PDZRN3: variants seen among roughly 807,000 people sequenced by gnomAD.
PDZRN3 encodes the protein E3 ubiquitin-protein ligase PDZRN3.
In PDZRN3, 38 loss-of-function variants were observed where a neutral mutation model predicts 85.7. That is an observed-to-expected ratio of 0.44 (90% CI 0.34 to 0.58). The LOEUF is 0.58. PDZRN3 is among the 20% of genes least tolerant of loss of function. PDZRN3 has a pLI of 0.01. For missense variants in PDZRN3, 1,629 were observed against 1,506.4 expected (o/e 1.08, Z -1.35); for synonymous variants, 759 against 638.0 (o/e 1.19, Z -2.86).
chr3:73,610,989 G>A (rs1442538744), intron 1 of PDZRN3, among the ~76,000 whole-genome samples: 1 of 152,144 alleles, frequency 6.6e-6, no homozygotes. Context: ...ATATAGGTGG[G>A]AAGACTGAGG....
intron 3 of PDZRN3, among the ~76,000 whole-genome samples, chr3:73,553,962 G>A (rs1202002622): frequency 1.3e-5 from 2 of 152,210 alleles, no homozygotes; most frequent in African/African-American, 4.8e-5. Context: ...AAAGAATGGG[G>A]CTGGAAGGAA....
chr3:73,567,636 T>C (rs888397586), intron 3 of PDZRN3, among the ~76,000 whole-genome samples: 7 of 152,198 alleles, frequency 4.6e-5, no homozygotes, highest in African/African-American at 1.2e-4. Flanking sequence ...TCTACACATA[T>C]TGAAGTCTAA....
At chr3:73,447,224 C>T (rs1476762031) in intron 3 of PDZRN3, among the ~76,000 whole-genome samples, 2 of 151,892 alleles carry the variant, frequency 1.3e-5, no homozygotes, top group Non-Finnish European at 2.9e-5. Context: ...CCTTGCTCTG[C>T]CCTCCCTTCA....
At chr3:73,600,335 ACACT>A (rs1283593407) in intron 3 of PDZRN3, among the ~76,000 whole-genome samples, 3 of 46,908 alleles carry the variant, frequency 6.4e-5, no homozygotes, top group South Asian at 8.5e-4. Flanking sequence ...ACACACACAC[ACACT>A]CTCTCTCTCT....
chr3:73,489,230 T>TAGC (rs1388565100), intron 3 of PDZRN3, among the ~76,000 whole-genome samples: 9 of 152,202 alleles, frequency 5.9e-5, no homozygotes, highest in Non-Finnish European at 8.8e-5. Context: ...AAATAGCAAA[T>TAGC]AGCAGGACAG....
intron 3 of PDZRN3, among the ~76,000 whole-genome samples, chr3:73,463,983 T>TTTTA (rs1005496776): frequency 1.3e-5 from 2 of 152,132 alleles, no homozygotes; most frequent in Non-Finnish European, 2.9e-5. Context: ...CTTTTTTATT[T>TTTTA]TTTATTTATT....
In PDZRN3 at chr3:73,444,515, C is replaced by T. The variant is rs533431231; in HGVS notation, c.919-40120G>A. ...TATGACCAATAAATAGCTTCATTAC[C>T]GTGATTAATCAACAAGCAAGTACTT... On this transcript the variant is annotated intron_variant, in intron 3 of 9. Transcript: ENST00000263666. 7.1e-4 allele frequency among the ~76,000 whole-genome samples: 108 copies of T among 152,292 alleles called. No individual in the cohort carries two copies. In the South Asian group the frequency reaches 8.3e-3, roughly 12 times the overall value.
chr3:73,410,388 G>C (rs1211076321), intron 3 of PDZRN3, among the ~76,000 whole-genome samples: 1 of 152,204 alleles, frequency 6.6e-6, no homozygotes. Flanking sequence ...TTCAGAGATG[G>C]AGATCTGTAG....
intron 3 of PDZRN3, among the ~76,000 whole-genome samples, chr3:73,461,949 A>T (rs1324355354): frequency 6.6e-6 from 1 of 152,184 alleles, no homozygotes; most frequent in African/African-American, 2.4e-5. Flanking sequence ...AAATAAATAC[A>T]CAGAATCTCA....
At chr3:73,615,537 C>T (rs1438859735) in intron 1 of PDZRN3, among the ~76,000 whole-genome samples, 1 of 152,098 alleles carries the variant, frequency 6.6e-6, no homozygotes, top group African/African-American at 2.4e-5. Context: ...GGGATTAGTG[C>T]CCTTATAAAG....
At chr3:73,554,663 T>TA (rs1701648346) in intron 3 of PDZRN3, among the ~76,000 whole-genome samples, 1 of 152,056 alleles carries the variant, frequency 6.6e-6, no homozygotes, top group Non-Finnish European at 1.5e-5. Flanking sequence ...CTCCAAGACA[T>TA]AAAGGTAAGA....
chr3:73,395,743 A>G (rs749558459), intron 5 of PDZRN3, among the ~76,000 whole-genome samples: 5 of 152,158 alleles, frequency 3.3e-5, no homozygotes, highest in Non-Finnish European at 7.3e-5. Context: ...TAAAGACTGC[A>G]TTTTCCCTCA....
At chr3:73,496,889 T>C (rs559807876) in intron 3 of PDZRN3, among the ~76,000 whole-genome samples, 1 of 152,290 alleles carries the variant, frequency 6.6e-6, no homozygotes, top group African/African-American at 2.4e-5. Flanking sequence ...GAGGACACAG[T>C]TTCTTCCTCT....
chr3:73,496,070 A>C (rs556007928), intron 3 of PDZRN3, among the ~76,000 whole-genome samples: 2 of 152,216 alleles, frequency 1.3e-5, no homozygotes, highest in South Asian at 2.1e-4. Flanking sequence ...ACTAAGTCTC[A>C]AGTCAAGATA....
intron 3 of PDZRN3, among the ~76,000 whole-genome samples, chr3:73,448,712 T>C (rs949128386): frequency 3.3e-5 from 5 of 152,158 alleles, no homozygotes; most frequent in Non-Finnish European, 5.9e-5. Context: ...TGTTCAGACA[T>C]TGGGGTGCAT....
At chr3:73,555,762 T>C (rs1351790209) in intron 3 of PDZRN3, among the ~76,000 whole-genome samples, 2 of 152,216 alleles carry the variant, frequency 1.3e-5, no homozygotes, top group Non-Finnish European at 2.9e-5. Flanking sequence ...GGAAAGTCAA[T>C]GGTAACCTTG....
At position 73,383,878 on chromosome 3, in the gene PDZRN3, C is replaced by A. The variant is rs201819844; in HGVS notation, c.2688G>T (p.Ala896=). The change falls in exon 10 of 10, where the codon GCG becomes GCT. Residue 896 remains alanine (A), a synonymous_variant. Transcript: ENST00000263666. The part of the protein sequence containing the change: ...LIQQKSAVEY[A]QSQMSLVSMC... ...TGCTCACCAGGCTCATCTGGCTTTG[C>A]GCGTACTCCACGGCCGACTTCTGCT... 6.2e-7 allele frequency: 1 copy of A among 1,613,582 alleles called. No homozygotes were observed. Among genetic ancestry groups the A allele is most frequent in the Non-Finnish European group, 8.5e-7 (1 of 1,179,948 alleles).
At chr3:73,562,899 C>G (rs1701851154) in intron 3 of PDZRN3, among the ~76,000 whole-genome samples, 1 of 146,476 alleles carries the variant, frequency 6.8e-6, no homozygotes, top group South Asian at 2.2e-4. Context: ...TCTAAGTCAG[C>G]TTAATCCTTT....
chr3:73,498,739 C>T (rs944926263), intron 3 of PDZRN3, among the ~76,000 whole-genome samples: 17 of 152,078 alleles, frequency 1.1e-4, no homozygotes, highest in Admixed American at 7.2e-4. Flanking sequence ...CACACGCCAC[C>T]GCGCCTGGCT....
Sources: gnomAD v4.1 joint callset for allele counts (sites outside exome capture counted in the v4.1 genomes callset) on GRCh38, gnomAD v4.1.1 for gene constraint, MANE v1.5 for transcripts, NCBI Gene and HGNC (gene_info 2026-07-23, HGNC 2026-07-21) for gene names.